The following SPOCK1 variants were observed in gnomAD, a reference collection of about 807,000 sequenced individuals.
The protein encoded by SPOCK1 is SPARC (osteonectin), cwcv and kazal like domains proteoglycan 1, also known as testican-1.
In SPOCK1, 23 loss-of-function variants were observed where a neutral mutation model predicts 55.3. That is an observed-to-expected ratio of 0.42 (90% CI 0.30 to 0.59). The LOEUF (loss-of-function observed/expected upper bound fraction) is 0.59, where lower values mean the gene tolerates loss of function less well. Among genes scored for constraint, SPOCK1 ranks in the 20% least tolerant of loss-of-function variants. The pLI, the probability that SPOCK1 is intolerant of heterozygous loss-of-function variation, is 0.22. For missense variants in SPOCK1, 499 were observed against 552.5 expected, an observed-to-expected ratio of 0.90 and a Z score of 0.97; for synonymous variants, 226 against 221.0, an observed-to-expected ratio of 1.02 and a Z score of -0.20.
chr5:137,172,905 G>A (rs1020715499), intron 3 of SPOCK1, among the ~76,000 whole-genome samples: 5 of 152,158 alleles, frequency 3.3e-5, no homozygotes, highest in Non-Finnish European at 5.9e-5. Context: ...TTCATGGACA[G>A]GCAAAAGACA....
intron 3 of SPOCK1, among the ~76,000 whole-genome samples, chr5:137,264,110 G>A (rs1431517760): frequency 2.0e-5 from 3 of 152,144 alleles, no homozygotes; most frequent in Non-Finnish European, 4.4e-5. Context: ...TCAAGCTGGA[G>A]AGCTGAATTG....
chr5:137,185,961 G>C (rs1001118039), intron 3 of SPOCK1, among the ~76,000 whole-genome samples: 7 of 152,212 alleles, frequency 4.6e-5, no homozygotes, highest in African/African-American at 1.7e-4. Context: ...TTCTAAAGGG[G>C]CAGAAGCGGG....
At chr5:137,270,490 C>G (rs1756940500) in intron 2 of SPOCK1, among the ~76,000 whole-genome samples, 2 of 152,158 alleles carry the variant, frequency 1.3e-5, no homozygotes, top group South Asian at 4.1e-4. Flanking sequence ...ATCTTCTGGA[C>G]AGGACAGAGA....
At chr5:137,172,992 G>T (rs1209852820) in intron 3 of SPOCK1, among the ~76,000 whole-genome samples, 2 of 152,136 alleles carry the variant, frequency 1.3e-5, no homozygotes, top group Non-Finnish European at 2.9e-5. Flanking sequence ...GGGCACAGAA[G>T]ATATCCATCT....
At chr5:137,153,396 T>C (rs1223688121) in intron 3 of SPOCK1, among the ~76,000 whole-genome samples, 2 of 152,210 alleles carry the variant, frequency 1.3e-5, no homozygotes. Context: ...ATTTTTAATG[T>C]AGGGGAGACT....
chr5:137,198,245 AAAT>A (rs1755341635), intron 3 of SPOCK1, among the ~76,000 whole-genome samples: 1 of 152,246 alleles, frequency 6.6e-6, no homozygotes, highest in African/African-American at 2.4e-5. Context: ...TTGGTTTTAT[AAAT>A]AATGCTGCAA....
At chr5:137,253,442 A>T (rs1277784359) in intron 3 of SPOCK1, among the ~76,000 whole-genome samples, 5 of 152,222 alleles carry the variant, frequency 3.3e-5, no homozygotes, top group Non-Finnish European at 7.3e-5. Flanking sequence ...CAGACATACC[A>T]ATTAGGCAGG....
chr5:137,378,358 T>C (rs1751375124), intron 2 of SPOCK1, among the ~76,000 whole-genome samples: 1 of 152,156 alleles, frequency 6.6e-6, no homozygotes, highest in Non-Finnish European at 1.5e-5. Flanking sequence ...ACAGGTCTAG[T>C]AGGAGGTAAG....
intron 3 of SPOCK1, among the ~76,000 whole-genome samples, chr5:137,243,607 T>C (rs1756333506): frequency 6.6e-6 from 1 of 152,186 alleles, no homozygotes; most frequent in Admixed American, 6.5e-5. Flanking sequence ...TTAATCAACG[T>C]AAGAAATGAT....
chr5:137,349,275 G>A (rs1750626564), intron 2 of SPOCK1, among the ~76,000 whole-genome samples: 1 of 152,172 alleles, frequency 6.6e-6, no homozygotes, highest in South Asian at 2.1e-4. Flanking sequence ...TTCCAATTCT[G>A]CATATCCTCA....
At chr5:137,276,664 T>C (rs1757073346) in intron 2 of SPOCK1, among the ~76,000 whole-genome samples, 1 of 152,248 alleles carries the variant, frequency 6.6e-6, no homozygotes, top group Non-Finnish European at 1.5e-5. Flanking sequence ...GTCTCAAAAC[T>C]GATGGTTCTA....
chr5:137,245,342 G>T (rs1409248958), intron 3 of SPOCK1, among the ~76,000 whole-genome samples: 1 of 152,330 alleles, frequency 6.6e-6, no homozygotes, highest in East Asian at 1.9e-4. Flanking sequence ...ACACATGGAT[G>T]TAAGTGTATC....
chr5:137,056,226 C>G, intron 6 of SPOCK1, among the ~76,000 whole-genome samples: 1 of 152,034 alleles, frequency 6.6e-6, no homozygotes, highest in Non-Finnish European at 1.5e-5. Flanking sequence ...AGAAGTCTGG[C>G]AGGTGAGGGG....
At chr5:137,305,895 G>T (rs58960884) in intron 2 of SPOCK1, among the ~76,000 whole-genome samples, 1 of 152,106 alleles carries the variant, frequency 6.6e-6, no homozygotes, top group South Asian at 2.1e-4. Flanking sequence ...GTTTGCATAC[G>T]ATGTGCAAAA....
intron 2 of SPOCK1, among the ~76,000 whole-genome samples, chr5:137,377,590 A>C (rs375917389): frequency 6.6e-6 from 1 of 152,184 alleles, no homozygotes; most frequent in African/African-American, 2.4e-5. Context: ...ATTTTTTTTA[A>C]TCTACAAGGA....
chr5:137,107,377 G>A (rs779059902), intron 5 of SPOCK1, among the ~76,000 whole-genome samples: 4 of 152,012 alleles, frequency 2.6e-5, no homozygotes, highest in Non-Finnish European at 2.9e-5. Flanking sequence ...AAATTACTAC[G>A]GCGATCCTTA....
At chr5:137,042,442 C>A (rs944274497) in intron 6 of SPOCK1, among the ~76,000 whole-genome samples, 20 of 152,108 alleles carry the variant, frequency 1.3e-4, no homozygotes, top group African/African-American at 4.8e-4. Context: ...TAGAGTGAAC[C>A]TTAATGTATG....
At chr5:137,132,015 T>TAC (rs1753894473) in intron 4 of SPOCK1, among the ~76,000 whole-genome samples, 1 of 63,672 alleles carries the variant, frequency 1.6e-5, no homozygotes. Flanking sequence ...TATATATATA[T>TAC]ATATAAAAAA....
chr5:137,226,167 G>T (rs1374656643), intron 3 of SPOCK1, among the ~76,000 whole-genome samples: 1 of 152,222 alleles, frequency 6.6e-6, no homozygotes, highest in Admixed American at 6.5e-5. Context: ...GCAGCACAGT[G>T]ATTCTTCACA....
Sources: gnomAD v4.1 joint callset for allele counts (sites outside exome capture counted in the v4.1 genomes callset) on GRCh38, gnomAD v4.1.1 for gene constraint, MANE v1.5 for transcripts, NCBI Gene and HGNC (gene_info 2026-07-23, HGNC 2026-07-21) for gene names.